FERMT2: variants seen among roughly 807,000 people sequenced by gnomAD.
The protein encoded by FERMT2 is fermitin family homolog 2.
In FERMT2, 15 loss-of-function variants were observed where a neutral mutation model predicts 82.7. The ratio of observed to expected loss-of-function variants is 0.18; its 90% CI spans 0.12 to 0.28. The LOEUF is 0.28. Among genes scored for constraint, FERMT2 ranks in the 10% least tolerant of loss-of-function variants. The pLI is 1.00. For missense variants in FERMT2, 645 were observed against 809.4 expected, an observed-to-expected ratio of 0.80 and a Z score of 2.46; for synonymous variants, 274 against 271.5, an observed-to-expected ratio of 1.01 and a Z score of -0.09.
In FERMT2 at chr14:52,899,551, G is replaced by A. The variant is rs533491645; in HGVS notation, c.392-6124C>T. ...CCCTCCTCGGCCTCCCAAAGTGCTG[G>A]GATTACAGGTGTGAGCCACTGCACC... On this transcript the variant is annotated intron_variant, in intron 3 of 14. Transcript: ENST00000341590. 9.9e-5 allele frequency among the ~76,000 whole-genome samples: 15 copies of A among 152,262 alleles called. No individual in the cohort carries two copies. In the South Asian group the frequency reaches 3.1e-3, roughly 32 times the overall value.
chr14:52,914,605 G>C (rs1888515693), intron 3 of FERMT2, among the ~76,000 whole-genome samples: 1 of 151,856 alleles, frequency 6.6e-6, no homozygotes, highest in African/African-American at 2.4e-5. Flanking sequence ...ATTTAGAAGA[G>C]ACATGATTGC....
rs376911904 is a variant in FERMT2, at chr14:52,942,454, C to G, written c.157+7958G>C. On this transcript the variant is annotated intron_variant, in intron 2 of 14. Coordinates refer to ENST00000341590, the MANE Select transcript of FERMT2 (RefSeq NM_006832.3). ...AGTAGCTGCAACTACAGGCGCCCAC[C>G]ACCACGCCCAGCTAATTTTTTGTAT... is the stretch of plus-strand genomic sequence containing the variant. Among the ~76,000 whole-genome samples the G allele has an allele frequency of 3.6e-4, 54 of 152,032 alleles. 1 individual carries two copies. In the South Asian group the frequency reaches 0.011, roughly 30 times the overall value.
At chr14:52,875,415 AATT>A in intron 7 of FERMT2, 58 bp from the exon 8 acceptor site, 1 of 1,282,750 alleles carries the variant, frequency 7.8e-7, no homozygotes, top group Non-Finnish European at 1.1e-6. Flanking sequence ...TCTAAAATGA[AATT>A]ACTATCTGAA....
intron 10 of FERMT2, among the ~76,000 whole-genome samples, chr14:52,872,376 C>T (rs372384915): frequency 1.4e-4 from 22 of 151,998 alleles, no homozygotes; most frequent in Non-Finnish European, 2.6e-4. Flanking sequence ...GCCAACATGA[C>T]GAAACCTTGC....
At chr14:52,897,976 CAAAAAA>C (rs71125145) in intron 3 of FERMT2, among the ~76,000 whole-genome samples, 1 of 93,492 alleles carries the variant, frequency 1.1e-5, no homozygotes, top group Non-Finnish European at 1.9e-5. Flanking sequence ...AACTCCGTCT[CAAAAAA>C]AAAAAAAAAA....
At chr14:52,868,847 A>G (rs1885444641) in intron 10 of FERMT2, among the ~76,000 whole-genome samples, 1 of 152,226 alleles carries the variant, frequency 6.6e-6, no homozygotes, top group African/African-American at 2.4e-5. Context: ...CTTGTTTAGT[A>G]GAAGAGCAGC....
intron 2 of FERMT2, among the ~76,000 whole-genome samples, chr14:52,945,043 GGT>G (rs1421867880): frequency 6.6e-6 from 1 of 152,036 alleles, no homozygotes; most frequent in Non-Finnish European, 1.5e-5. Context: ...TGGGACTACA[GGT>G]GCGTGCCATC....
chr14:52,949,148 T>C (rs771202260), intron 2 of FERMT2, among the ~76,000 whole-genome samples: 10 of 152,284 alleles, frequency 6.6e-5, no homozygotes, highest in Non-Finnish European at 1.5e-4. Flanking sequence ...AATGCAGTCT[T>C]AAGGAAGAGG....
At position 52,858,173 on chromosome 14, in the gene FERMT2, A is replaced by C. The variant is rs7143400; in HGVS notation, c.*204T>G. On this transcript the variant is annotated 3_prime_UTR_variant, in exon 15 of 15. Coordinates refer to ENST00000341590, the MANE Select transcript of FERMT2 (RefSeq NM_006832.3). ...AATTCATGGCCCTAAGGAATGTGTGACAAATTCAAGTTTATTATATCATAA... is the reference window on the plus strand; with the variant it reads ...AATTCATGGCCCTAAGGAATGTGTGCCAAATTCAAGTTTATTATATCATAA... 438,358 of 506,198 alleles carry C rather than the reference A, an allele frequency of 0.87. 191,150 individuals are homozygous for C. The highest frequency in any genetic ancestry group is 0.92 in the Middle Eastern group (1,720 of 1,878). The allele number at this position is 506,198 out of a possible 1,614,324, so 31.4% of individuals were successfully genotyped here. A position where few individuals can be genotyped will look rare whatever the true frequency, so the allele number is the denominator to read the frequency against.
At chr14:52,889,527 G>A (rs1346764229) in intron 4 of FERMT2, among the ~76,000 whole-genome samples, 1 of 152,156 alleles carries the variant, frequency 6.6e-6, no homozygotes, top group Non-Finnish European at 1.5e-5. Flanking sequence ...GGCAGCACAG[G>A]AACAGCCCAA....
At chr14:52,913,051 G>T (rs578175113) in intron 3 of FERMT2, among the ~76,000 whole-genome samples, 39 of 152,158 alleles carry the variant, frequency 2.6e-4, no homozygotes, top group African/African-American at 8.4e-4. Context: ...TTCTTTTCTT[G>T]TTTATACAAA....
At chr14:52,872,102 G>C (rs1242658500) in intron 10 of FERMT2, 1 of 152,422 alleles carries the variant, frequency 6.6e-6, no homozygotes, top group East Asian at 1.9e-4. Flanking sequence ...GTGAGGAAGA[G>C]CAGGATGTCG....
At position 52,950,955 on chromosome 14, in the gene FERMT2, G is replaced by C. The variant is rs1170713137; in HGVS notation, c.-44C>G. The C allele has an allele frequency of 1.3e-5, 2 of 159,096 alleles. No individual in the cohort carries two copies. Among genetic ancestry groups the C allele is most frequent in the African/African-American group, 4.8e-5 (2 of 41,576 alleles). The allele number at this position is 159,096 out of a possible 1,614,324, so 9.9% of individuals were successfully genotyped here. A position where few individuals can be genotyped will look rare whatever the true frequency, so the allele number is the denominator to read the frequency against. ...CTAGCGCTCCGGGCCCGGGACTCGC[G>C]CGGCAACAGGCGAGGGGCTGGAGGC... On this transcript the variant is annotated 5_prime_UTR_variant, in exon 1 of 15. Transcript: ENST00000341590.
intron 3 of FERMT2, among the ~76,000 whole-genome samples, chr14:52,899,466 T>C (rs1364756242): frequency 6.6e-6 from 1 of 152,132 alleles, no homozygotes; most frequent in Non-Finnish European, 1.5e-5. Flanking sequence ...GTATTTTTAG[T>C]AGAGACAGGG....
At chr14:52,914,894 T>G (rs900428893) in intron 3 of FERMT2, among the ~76,000 whole-genome samples, 1 of 152,048 alleles carries the variant, frequency 6.6e-6, no homozygotes, top group Non-Finnish European at 1.5e-5. Flanking sequence ...AACTCCAGAC[T>G]GGGTGACAGA....
At chr14:52,862,192 G>C (rs934149978) in intron 12 of FERMT2, 3 of 152,192 alleles carry the variant, frequency 2.0e-5, no homozygotes, top group Non-Finnish European at 4.4e-5. Context: ...AGCCTCCCAA[G>C]TAGCTGGCAT....
chr14:52,930,803 A>C (rs993434145), intron 2 of FERMT2, among the ~76,000 whole-genome samples: 4 of 152,190 alleles, frequency 2.6e-5, no homozygotes, highest in Non-Finnish European at 2.9e-5. Context: ...ATAATGTGTA[A>C]AGACAGGGCC....
At chr14:52,883,636 C>A (rs1566728479) in intron 4 of FERMT2, among the ~76,000 whole-genome samples, 2 of 152,184 alleles carry the variant, frequency 1.3e-5, no homozygotes, top group East Asian at 1.9e-4. Flanking sequence ...AAAAGATACT[C>A]CCCCTAAATC....
At chr14:52,906,771 A>T (rs764249898) in intron 3 of FERMT2, among the ~76,000 whole-genome samples, 18 of 152,134 alleles carry the variant, frequency 1.2e-4, no homozygotes, top group Non-Finnish European at 2.2e-4. Context: ...AGATCAATGG[A>T]CTTGAAGATA....
Sources: allele counts gnomAD v4.1 joint callset (sites outside exome capture counted in the v4.1 genomes callset), GRCh38; gene constraint gnomAD v4.1.1; transcripts MANE v1.5; gene names NCBI Gene and HGNC (gene_info 2026-07-23, HGNC 2026-07-21).